TRABD2B: variants seen among roughly 807,000 people sequenced by gnomAD.
TRABD2B encodes the protein metalloprotease TIKI2.
TRABD2B carries 14 observed loss-of-function variants against 40.1 expected under a neutral mutation model. That is an observed-to-expected ratio of 0.35 (90% CI 0.23 to 0.55). TRABD2B has a LOEUF of 0.55. Ranked by LOEUF, TRABD2B falls within the 20% of genes least tolerant of loss-of-function variation. The pLI, the probability that TRABD2B is intolerant of heterozygous loss-of-function variation, is 0.90. For synonymous variants in TRABD2B, 263 were observed against 277.0 expected (o/e 0.95, Z 0.50); for missense variants, 541 against 648.6 (o/e 0.83, Z 1.80).
chr1:47,987,572 C>T (rs577536314), intron 2 of TRABD2B, among the ~76,000 whole-genome samples: 3 of 152,246 alleles, frequency 2.0e-5, no homozygotes, highest in Admixed American at 2.0e-4. Flanking sequence ...ATCCTGTGCT[C>T]CTGCTTCTGT....
At chr1:47,875,038 G>C (rs1644204043) in intron 2 of TRABD2B, among the ~76,000 whole-genome samples, 1 of 152,008 alleles carries the variant, frequency 6.6e-6, no homozygotes, top group Non-Finnish European at 1.5e-5. Context: ...GTGGGGTTTT[G>C]GCGAAGGATG....
intron 6 of TRABD2B, among the ~76,000 whole-genome samples, chr1:47,768,346 G>T (rs1312008889): frequency 6.6e-6 from 1 of 152,094 alleles, no homozygotes; most frequent in Non-Finnish European, 1.5e-5. Flanking sequence ...GGGAGGGCCA[G>T]GTGGCTTCCA....
At chr1:47,830,903 G>A (rs1024368030) in intron 2 of TRABD2B, among the ~76,000 whole-genome samples, 3 of 152,174 alleles carry the variant, frequency 2.0e-5, no homozygotes, top group Admixed American at 6.5e-5. Context: ...TGTTTCCAGC[G>A]TCTTTAATGA....
At chr1:47,840,176 G>A (rs1156575112) in intron 2 of TRABD2B, among the ~76,000 whole-genome samples, 1 of 152,190 alleles carries the variant, frequency 6.6e-6, no homozygotes, top group African/African-American at 2.4e-5. Flanking sequence ...GCACTATCAT[G>A]TAGGGACTGG....
At chr1:47,802,381 C>T (rs1316178343) in intron 2 of TRABD2B, among the ~76,000 whole-genome samples, 1 of 152,146 alleles carries the variant, frequency 6.6e-6, no homozygotes. Context: ...GGAACACAAC[C>T]TGCTCATTTT....
At chr1:47,777,318 A>G (rs1644461063) in intron 5 of TRABD2B, among the ~76,000 whole-genome samples, 1 of 152,216 alleles carries the variant, frequency 6.6e-6, no homozygotes, top group South Asian at 2.1e-4. Flanking sequence ...GGCCCCCAGT[A>G]TAAACTAATG....
intron 2 of TRABD2B, among the ~76,000 whole-genome samples, chr1:47,945,109 G>A (rs1028823193): frequency 1.3e-5 from 2 of 152,280 alleles, no homozygotes; most frequent in Admixed American, 6.5e-5. Flanking sequence ...CAGACTTCAC[G>A]GCCCAGGCAA....
At chr1:47,962,961 G>C (rs149645384) in intron 2 of TRABD2B, among the ~76,000 whole-genome samples, 1 of 152,324 alleles carries the variant, frequency 6.6e-6, no homozygotes, top group African/African-American at 2.4e-5. Flanking sequence ...GCCCCGCCGT[G>C]AAACACAATT....
At chr1:47,816,353 G>C (rs1056412812) in intron 2 of TRABD2B, among the ~76,000 whole-genome samples, 3 of 152,152 alleles carry the variant, frequency 2.0e-5, no homozygotes, top group Non-Finnish European at 4.4e-5. Context: ...CTCTGCCCTG[G>C]GAATAACCAT....
chr1:47,846,633 A>G (rs1645473631), intron 2 of TRABD2B, among the ~76,000 whole-genome samples: 1 of 152,164 alleles, frequency 6.6e-6, no homozygotes, highest in African/African-American at 2.4e-5. Flanking sequence ...GCATCTGGTC[A>G]ATTCAGGGAA....
chr1:47,841,769 CCTTTT>C lies in TRABD2B; in HGVS notation c.667-40155_667-40151del, dbSNP rs564580355. 1.8e-3 allele frequency among the ~76,000 whole-genome samples: 267 copies of C among 150,596 alleles called. 1 individual carries two copies. Among genetic ancestry groups the C allele is most frequent in the African/African-American group, 6.1e-3 (252 of 41,082 alleles). On this transcript the variant is annotated intron_variant, in intron 2 of 6. Coordinates refer to ENST00000606738, the MANE Select transcript of TRABD2B (RefSeq NM_001194986.2). ...TCTTGCAAGGATGACCCAACCTTCT[CCTTTT>C]CTTTTCTTTTTCTTTTTTTTTTTTT... is the stretch of plus-strand genomic sequence containing the variant.
At chr1:47,905,087 G>T (rs988964433) in intron 2 of TRABD2B, among the ~76,000 whole-genome samples, 16 of 152,024 alleles carry the variant, frequency 1.1e-4, no homozygotes, top group African/African-American at 3.6e-4. Context: ...AGAGGAGACA[G>T]GGAACAAGTA....
chr1:47,903,768 A>C (rs1337297620), intron 2 of TRABD2B, among the ~76,000 whole-genome samples: 1 of 152,164 alleles, frequency 6.6e-6, no homozygotes, highest in African/African-American at 2.4e-5. Flanking sequence ...CATTACCATA[A>C]ATGAGAATGG....
chr1:47,847,312 C>G (rs911339927), intron 2 of TRABD2B, among the ~76,000 whole-genome samples: 1 of 152,136 alleles, frequency 6.6e-6, no homozygotes, highest in Non-Finnish European at 1.5e-5. Context: ...AAGGACTGGT[C>G]GCCTCTATGT....
Position 47,904,250 on chromosome 1 carries a change from T to C in TRABD2B, c.666+89784A>G, listed in dbSNP as rs536227899. On this transcript the variant is annotated intron_variant, in intron 2 of 6. Coordinates refer to ENST00000606738, the MANE Select transcript of TRABD2B (RefSeq NM_001194986.2). ...AGAATGTGGTAATAGGTCAGGGTCT[T>C]GGAGGCCATTAAAAGAGATGGAAAT... Among the ~76,000 whole-genome samples the C allele has an allele frequency of 6.6e-4, 101 of 152,176 alleles. 1 individual carries two copies. The highest frequency in any genetic ancestry group is 2.4e-3 in the African/African-American group (99 of 41,512).
chr1:47,818,199 T>G (rs901063358), intron 2 of TRABD2B: 1 of 152,418 alleles, frequency 6.6e-6, no homozygotes, highest in Admixed American at 6.5e-5. Context: ...CTGGTTGACC[T>G]CTGGCTTGGA....
At chr1:47,918,110 C>A (rs2124726070) in intron 2 of TRABD2B, among the ~76,000 whole-genome samples, 3 of 152,364 alleles carry the variant, frequency 2.0e-5, no homozygotes, top group Middle Eastern at 6.8e-3. Flanking sequence ...GTCAGAACAT[C>A]ACCTTCACTC....
At chr1:47,984,373 T>TAGG (rs1456691660) in intron 2 of TRABD2B, among the ~76,000 whole-genome samples, 2 of 152,204 alleles carry the variant, frequency 1.3e-5, no homozygotes, top group Non-Finnish European at 2.9e-5. Flanking sequence ...GCTGCTCTTT[T>TAGG]AGGAAACGTG....
intron 5 of TRABD2B, among the ~76,000 whole-genome samples, chr1:47,778,154 A>G (rs1644472972): frequency 6.6e-6 from 1 of 152,080 alleles, no homozygotes; most frequent in African/African-American, 2.4e-5. Flanking sequence ...TCCAAGCAGC[A>G]CCCAGGAGTT....
Sources: allele counts gnomAD v4.1 joint callset (sites outside exome capture counted in the v4.1 genomes callset), GRCh38; gene constraint gnomAD v4.1.1; transcripts MANE v1.5; gene names NCBI Gene and HGNC (gene_info 2026-07-23, HGNC 2026-07-21).